CDH4: variants seen among roughly 807,000 people sequenced by gnomAD.
CDH4 encodes cadherin-4.
In CDH4, 33 loss-of-function variants were observed where a neutral mutation model predicts 86.0. That is an observed-to-expected ratio of 0.38 (90% CI 0.29 to 0.51). The LOEUF (loss-of-function observed/expected upper bound fraction) is 0.51. Among genes scored for constraint, CDH4 ranks in the 20% least tolerant of loss-of-function variants. The pLI is 0.86. For synonymous variants in CDH4, 555 were observed against 549.4 expected (o/e 1.01, Z -0.14); for missense variants, 1,114 against 1,307.4 (o/e 0.85, Z 2.28).
chr20:61,647,494 T>C (rs926677514), intron 2 of CDH4, among the ~76,000 whole-genome samples: 3 of 150,858 alleles, frequency 2.0e-5, no homozygotes, highest in East Asian at 1.9e-4. Context: ...AAGCATCTAA[T>C]AGGAAAAACA....
At chr20:61,626,993 T>C (rs1173244888) in intron 2 of CDH4, among the ~76,000 whole-genome samples, 1 of 152,024 alleles carries the variant, frequency 6.6e-6, no homozygotes, top group African/African-American at 2.4e-5. Context: ...GCTCACACGG[T>C]GGCAAGAGGA....
At chr20:61,537,847 A>G (rs896977837) in intron 2 of CDH4, among the ~76,000 whole-genome samples, 2 of 152,212 alleles carry the variant, frequency 1.3e-5, no homozygotes, top group Non-Finnish European at 2.9e-5. Context: ...CTTGAGTGAC[A>G]GAAACATCAC....
rs7361612 is a variant in CDH4, at chr20:61,708,320, T to A, written c.170-35243T>A. ...TGACTCAGACTCCCCGCCCCCCGCC[T>A]ACCCCCAGCAGCTTGGTCCCCTCTG... On this transcript the variant is annotated intron_variant, in intron 2 of 15. Coordinates refer to ENST00000614565, the MANE Select transcript of CDH4 (RefSeq NM_001794.5). The surrounding 1 kb of genome is among the most constrained non-coding windows in gnomAD (Gnocchi z 4.5). Among the ~76,000 whole-genome samples the A allele has an allele frequency of 0.015, 2,064 of 140,416 alleles. 32 individuals are homozygous for A. Among genetic ancestry groups the A allele is most frequent in the African/African-American group, 0.051 (1,917 of 37,278 alleles). The allele number at this position is 140,416 out of a possible 152,430, so 92.1% of individuals were successfully genotyped here.
chr20:61,558,375 A>T (rs2086192641), intron 2 of CDH4, among the ~76,000 whole-genome samples: 1 of 152,054 alleles, frequency 6.6e-6, no homozygotes, highest in Non-Finnish European at 1.5e-5. Flanking sequence ...CTCATGCTTG[A>T]TGCCATCAGT....
chr20:61,777,926 A>C (rs933707592), intron 4 of CDH4, among the ~76,000 whole-genome samples: 5 of 151,156 alleles, frequency 3.3e-5, no homozygotes, highest in African/African-American at 1.2e-4. Context: ...CCACATGTGC[A>C]TACACGTGCA....
chr20:61,702,757 G>C (rs2087790452), intron 2 of CDH4, among the ~76,000 whole-genome samples: 1 of 152,136 alleles, frequency 6.6e-6, no homozygotes, highest in East Asian at 1.9e-4. Flanking sequence ...AAAAGCACAG[G>C]GCATTTCTGT....
At position 61,910,523 on chromosome 20, in the gene CDH4, C is replaced by T. The variant is rs1406028437; in HGVS notation, c.1290C>T (p.Tyr430=). 1 of 1,614,010 alleles carries T rather than the reference C, an allele frequency of 6.2e-7. No homozygotes were observed. The highest frequency in any genetic ancestry group is 1.1e-5 in the South Asian group (1 of 91,086). ...ACTCTCCAAACTGGAATGCCGTTTA[C>T]CGCATCATCAGTGGGGATCCATCCG... ...QPHSPNWNAV[Y]RIISGDPSGH... is the part of the protein sequence containing the mutation. Residue 430 remains tyrosine (Y), a synonymous_variant, in exon 9 of 16, where the codon TAC becomes TAT. Transcript: ENST00000614565.
chr20:61,512,517 T>C (rs930984975), intron 2 of CDH4, among the ~76,000 whole-genome samples: 5 of 152,178 alleles, frequency 3.3e-5, no homozygotes, highest in African/African-American at 1.2e-4. Context: ...CCCACTCACA[T>C]CATGACCTAG....
At chr20:61,383,378 GA>G (rs1440995870) in intron 2 of CDH4, among the ~76,000 whole-genome samples, 1 of 392 alleles carries the variant, frequency 2.6e-3, no homozygotes, top group Non-Finnish European at 4.9e-3. Context: ...AATATATATG[GA>G]TATATATGAA....
At position 61,860,939 on chromosome 20, in the gene CDH4, T is replaced by C. The variant is rs112121341; in HGVS notation, c.877+8041T>C. 1.4e-3 allele frequency among the ~76,000 whole-genome samples: 211 copies of C among 152,312 alleles called. 1 individual carries two copies. Among genetic ancestry groups the C allele is most frequent in the African/African-American group, 4.6e-3 (190 of 41,574 alleles). ...AAGTACCCGGGGGACCCTCTGGCTG[T>C]CTGCCTGCAGATCAGCATGCAGCCC... On this transcript the variant is annotated intron_variant, in intron 6 of 15. Coordinates refer to ENST00000614565, the MANE Select transcript of CDH4 (RefSeq NM_001794.5).
chr20:61,887,857 A>G (rs1984617025), intron 7 of CDH4, among the ~76,000 whole-genome samples: 1 of 152,058 alleles, frequency 6.6e-6, no homozygotes, highest in Non-Finnish European at 1.5e-5. Flanking sequence ...CCAAATAAAC[A>G]TGTAGCTGAG....
At chr20:61,593,299 G>A (rs2086531445) in intron 2 of CDH4, among the ~76,000 whole-genome samples, 1 of 152,234 alleles carries the variant, frequency 6.6e-6, no homozygotes, top group South Asian at 2.1e-4. Flanking sequence ...TAAAGCTGCT[G>A]TGAACACTAG....
chr20:61,660,730 A>G (rs542118870), intron 2 of CDH4, among the ~76,000 whole-genome samples: 1 of 151,890 alleles, frequency 6.6e-6, no homozygotes, highest in South Asian at 2.1e-4. Flanking sequence ...ACCCTGGGCC[A>G]CCCGGGTTTT....
chr20:61,433,150 C>T (rs545761739), intron 2 of CDH4, among the ~76,000 whole-genome samples: 1 of 152,276 alleles, frequency 6.6e-6, no homozygotes, highest in East Asian at 1.9e-4. Context: ...ATGATGGATT[C>T]TGAGTTAATT....
chr20:61,289,361 G>A (rs1167750697), intron 2 of CDH4, among the ~76,000 whole-genome samples: 2 of 152,184 alleles, frequency 1.3e-5, no homozygotes, highest in Non-Finnish European at 2.9e-5. Context: ...GGGTCATTTG[G>A]CCCCCAGGCT....
intron 2 of CDH4, among the ~76,000 whole-genome samples, chr20:61,364,152 C>G (rs1315950809): frequency 6.6e-6 from 1 of 152,226 alleles, no homozygotes; most frequent in African/African-American, 2.4e-5. Flanking sequence ...CCGATTCCAG[C>G]TGTGCTCTCT....
intron 2 of CDH4, among the ~76,000 whole-genome samples, chr20:61,683,131 G>T (rs1256335839): frequency 1.3e-5 from 2 of 152,156 alleles, no homozygotes; most frequent in African/African-American, 4.8e-5. Context: ...TTTCTCCCTG[G>T]AATGTGTTTA....
intron 2 of CDH4, among the ~76,000 whole-genome samples, chr20:61,336,342 T>C (rs2084616824): frequency 6.6e-6 from 1 of 152,232 alleles, no homozygotes; most frequent in African/African-American, 2.4e-5. Context: ...CCTTTTCCTC[T>C]TCTTCCTCCT....
At chr20:61,697,563 A>G (rs2087727876) in intron 2 of CDH4, among the ~76,000 whole-genome samples, 1 of 152,176 alleles carries the variant, frequency 6.6e-6, no homozygotes, top group Admixed American at 6.5e-5. Flanking sequence ...ACGCCACTGC[A>G]CTCCAGCCTG....
Sources: allele counts gnomAD v4.1 joint callset (sites outside exome capture counted in the v4.1 genomes callset), GRCh38; gene constraint gnomAD v4.1.1; non-coding constraint Gnocchi (gnomAD v3.1); transcripts MANE v1.5; gene names NCBI Gene and HGNC (gene_info 2026-07-23, HGNC 2026-07-21).